The following SGCD variants were observed in gnomAD, a reference collection of about 807,000 sequenced individuals.
SGCD encodes the protein delta-sarcoglycan.
A neutral mutation model predicts 36.6 loss-of-function variants in SGCD; 18 were observed. That is an observed-to-expected ratio of 0.49 (90% CI 0.34 to 0.73). SGCD has a LOEUF of 0.73. Ranked by LOEUF, SGCD falls within the 30% of genes least tolerant of loss-of-function variation. The pLI is 0.01. For missense variants in SGCD, 387 were observed against 346.7 expected (o/e 1.12, Z -0.92); for synonymous variants, 133 against 130.6 (o/e 1.02, Z -0.12).
chr5:156,496,817 C>T (rs981302243), intron 3 of SGCD, among the ~76,000 whole-genome samples: 7 of 152,144 alleles, frequency 4.6e-5, no homozygotes, highest in Non-Finnish European at 8.8e-5. Context: ...AAAATGGTGA[C>T]TGCTTTGTCA....
chr5:156,174,434 G>A (rs141862608), intron 3 of SGCD, among the ~76,000 whole-genome samples: 16 of 152,258 alleles, frequency 1.1e-4, no homozygotes, highest in Non-Finnish European at 1.2e-4. Flanking sequence ...GGGGAACAGG[G>A]CCATGAGAGA....
rs149231879 is a variant in SGCD at position 156,501,246 on chromosome 5, G to GT, written c.193-7353dup. 2.8e-3 allele frequency among the ~76,000 whole-genome samples: 432 copies of GT among 152,216 alleles called. 1 individual carries two copies. Among genetic ancestry groups the GT allele is most frequent in the African/African-American group, 9.9e-3 (413 of 41,518 alleles). Reference sequence around the variant, plus strand: ...CTCCTTTCCCAGCACATCTAGCACAGTTCATTCAATGAGATTCAATGAGAT... The same window carrying GT: ...CTCCTTTCCCAGCACATCTAGCACAGTTTCATTCAATGAGATTCAATGAGAT... On this transcript the variant is annotated intron_variant, in intron 3 of 8. Coordinates refer to ENST00000337851, the MANE Select transcript of SGCD (RefSeq NM_000337.6).
At chr5:155,858,942 G>GT in the SGCD span, among the ~76,000 whole-genome samples, 129,525 of 148,538 alleles carry the variant, frequency 0.87, 56,497 homozygotes, top group East Asian at 0.97. Flanking sequence ...GGCAATGCAG[G>GT]TTTTTTTTTT....
At chr5:156,461,123 T>C (rs1277470986) in intron 3 of SGCD, among the ~76,000 whole-genome samples, 1 of 152,130 alleles carries the variant, frequency 6.6e-6, no homozygotes, top group Non-Finnish European at 1.5e-5. Context: ...TCAATGTGAG[T>C]CTGTGCCTAT....
At chr5:156,630,550 T>C (rs1461623675) in intron 6 of SGCD, among the ~76,000 whole-genome samples, 1 of 152,242 alleles carries the variant, frequency 6.6e-6, no homozygotes, top group African/African-American at 2.4e-5. Flanking sequence ...GATACTGTCA[T>C]AGACCATTGG....
chr5:155,734,805 G>A, the SGCD span, among the ~76,000 whole-genome samples: 2 of 152,156 alleles, frequency 1.3e-5, no homozygotes, highest in African/African-American at 4.8e-5. Context: ...TGCTGCAATT[G>A]CTTGGCTGAC....
At chr5:156,523,268 A>G (rs1206132725) in intron 4 of SGCD, among the ~76,000 whole-genome samples, 1 of 152,154 alleles carries the variant, frequency 6.6e-6, no homozygotes, top group Non-Finnish European at 1.5e-5. Context: ...TTAGTGTGAC[A>G]AGTGGTTACA....
At chr5:156,135,615 C>A (rs1276361253) in intron 3 of SGCD, among the ~76,000 whole-genome samples, 1 of 152,134 alleles carries the variant, frequency 6.6e-6, no homozygotes, top group African/African-American at 2.4e-5. Flanking sequence ...TAAATCCTTG[C>A]TTGAGAGACT....
chr5:156,479,643 T>C (rs1755339076), intron 3 of SGCD, among the ~76,000 whole-genome samples: 1 of 152,210 alleles, frequency 6.6e-6, no homozygotes, highest in Non-Finnish European at 1.5e-5. Context: ...CAAGAATCCC[T>C]GCATTTGTCC....
At chr5:156,497,448 G>A (rs1302559041) in intron 3 of SGCD, among the ~76,000 whole-genome samples, 1 of 152,120 alleles carries the variant, frequency 6.6e-6, no homozygotes. Flanking sequence ...TGGAAACCAT[G>A]AAATATGGAA....
At chr5:156,488,811 G>A (rs190063180) in intron 3 of SGCD, among the ~76,000 whole-genome samples, 13 of 152,054 alleles carry the variant, frequency 8.5e-5, no homozygotes, top group Admixed American at 5.9e-4. Flanking sequence ...TAATAAGAGG[G>A]GAATAATGGA....
chr5:156,320,721 A>G (rs1410055710), intron 3 of SGCD, among the ~76,000 whole-genome samples: 1 of 152,216 alleles, frequency 6.6e-6, no homozygotes, highest in Non-Finnish European at 1.5e-5. Context: ...TCCGAAACAG[A>G]AGATGACTTC....
chr5:156,536,320 C>G (rs1758109155), intron 4 of SGCD, among the ~76,000 whole-genome samples: 1 of 152,130 alleles, frequency 6.6e-6, no homozygotes, highest in African/African-American at 2.4e-5. Flanking sequence ...AATTCAAAGC[C>G]AGGTGTGAAC....
At chr5:156,168,589 G>A (rs538830705) in intron 3 of SGCD, among the ~76,000 whole-genome samples, 1 of 152,216 alleles carries the variant, frequency 6.6e-6, no homozygotes, top group Non-Finnish European at 1.5e-5. Context: ...CAACACAATT[G>A]TTTTATGTTT....
At chr5:156,284,617 C>T (rs1221551878) in intron 3 of SGCD, among the ~76,000 whole-genome samples, 2 of 152,146 alleles carry the variant, frequency 1.3e-5, no homozygotes, top group Non-Finnish European at 2.9e-5. Context: ...TGACAAAATT[C>T]AACAGCCCTT....
the SGCD span, among the ~76,000 whole-genome samples, chr5:155,860,531 A>G: frequency 6.6e-6 from 1 of 152,226 alleles, no homozygotes; most frequent in Non-Finnish European, 1.5e-5. Context: ...TAGGAGCTTG[A>G]TACTAAAACA....
intron 3 of SGCD, among the ~76,000 whole-genome samples, chr5:156,164,185 C>T (rs1174379448): frequency 6.6e-6 from 1 of 151,476 alleles, no homozygotes; most frequent in East Asian, 1.9e-4. Flanking sequence ...AATATAGCCA[C>T]ATAGTCACCC....
chr5:156,589,222 T>C lies in SGCD; in HGVS notation c.295-9T>C. The C allele has an allele frequency of 6.5e-7, 1 of 1,531,204 alleles. No individual in the cohort carries two copies. The highest frequency in any genetic ancestry group is 8.9e-7 in the Non-Finnish European group (1 of 1,124,786). The allele number at this position is 1,531,204 out of a possible 1,614,324, so 94.9% of individuals were successfully genotyped here. A position where few individuals can be genotyped will look rare whatever the true frequency, so the allele number is the denominator to read the frequency against. ...ATTTTCATGTCTTTCTCTTATTTTCTTATTGCAGGGTAATGCCCTGTACTT... is the reference window on the plus strand; with the variant it reads ...ATTTTCATGTCTTTCTCTTATTTTCCTATTGCAGGGTAATGCCCTGTACTT... On this transcript the variant is annotated splice_polypyrimidine_tract_variant and intron_variant, in intron 4 of 8. Coordinates refer to ENST00000337851, the MANE Select transcript of SGCD (RefSeq NM_000337.6).
intron 1 of SGCD, among the ~76,000 whole-genome samples, chr5:155,937,452 A>T (rs1014442712): frequency 6.6e-6 from 1 of 152,230 alleles, no homozygotes; most frequent in African/African-American, 2.4e-5. Flanking sequence ...AGAATGTTAA[A>T]CTTATTTACA....
Sources: allele counts gnomAD v4.1 joint callset (sites outside exome capture counted in the v4.1 genomes callset), GRCh38; gene constraint gnomAD v4.1.1; transcripts MANE v1.5; gene names NCBI Gene and HGNC (gene_info 2026-07-23, HGNC 2026-07-21).